The following LARP1B variants were observed in gnomAD, a reference collection of about 807,000 sequenced individuals.
LARP1B encodes la-related protein 1B.
Under a neutral mutation model 114.2 loss-of-function variants are expected in LARP1B, and 76 were observed. The observed-to-expected ratio is 0.67, with a 90% CI of 0.55 to 0.81. The LOEUF (loss-of-function observed/expected upper bound fraction) is 0.81. LARP1B is among the 30% of genes least tolerant of loss of function. LARP1B has a pLI of 0.00. For synonymous variants in LARP1B, 345 were observed against 348.0 expected, an observed-to-expected ratio of 0.99 and a Z score of 0.10; for missense variants, 1,014 against 1,075.8, an observed-to-expected ratio of 0.94 and a Z score of 0.80.
At chr4:128,080,428 G>A (rs1002131144) in intron 4 of LARP1B, among the ~76,000 whole-genome samples, 2 of 151,996 alleles carry the variant, frequency 1.3e-5, no homozygotes, top group African/African-American at 2.4e-5. Flanking sequence ...TTTGTGTCAA[G>A]GAATCTCGTT....
In LARP1B at chr4:128,063,427, CAAAAAAAAAAAAA is replaced by C. The variant is rs763868048; in HGVS notation, c.-78+2044_-78+2056del. On this transcript the variant is annotated intron_variant, in intron 1 of 19. Transcript: ENST00000326639. ...TGGTCGGCAGAGTGAGACCCACTCT[CAAAAAAAAAAAAA>C]AAAAAAAAAAAAAAAAAGTTAAAAT... Among the ~76,000 whole-genome samples the C allele has an allele frequency of 1.1e-3, 14 of 13,218 alleles. 1 individual carries two copies. The South Asian group carries it at 0.016, about 15-fold the overall frequency. 8.7% of individuals were successfully genotyped at this position (13,218 alleles called of 152,430 possible).
At chr4:128,082,777 C>G (rs1771016969) in intron 5 of LARP1B, among the ~76,000 whole-genome samples, 1 of 147,290 alleles carries the variant, frequency 6.8e-6, no homozygotes, top group African/African-American at 2.5e-5. Flanking sequence ...GGCAGGAGTA[C>G]TGTATAAGAA....
At chr4:128,133,648 C>G (rs1792258890) in intron 11 of LARP1B, among the ~76,000 whole-genome samples, 1 of 152,194 alleles carries the variant, frequency 6.6e-6, no homozygotes, top group Admixed American at 6.5e-5. Flanking sequence ...ACATACGGAC[C>G]AATTGAATAG....
intron 8 of LARP1B, among the ~76,000 whole-genome samples, 196 bp downstream of exon 8, chr4:128,098,526 C>A (rs140449989): frequency 2.0e-5 from 3 of 151,276 alleles, no homozygotes; most frequent in Non-Finnish European, 4.4e-5. Flanking sequence ...GTATTGCTAA[C>A]GATGTTACTG....
chr4:128,188,749 T>G (rs1751205016), intron 15 of LARP1B, among the ~76,000 whole-genome samples: 1 of 152,242 alleles, frequency 6.6e-6, no homozygotes, highest in South Asian at 2.1e-4. Context: ...AATTTCTTTA[T>G]TAATCTGTTG....
intron 11 of LARP1B, among the ~76,000 whole-genome samples, chr4:128,126,466 A>C (rs1358072337): frequency 6.6e-6 from 1 of 152,208 alleles, no homozygotes; most frequent in South Asian, 2.1e-4. Flanking sequence ...CAAAATATGC[A>C]GTAGCTAGGC....
intron 17 of LARP1B, among the ~76,000 whole-genome samples, chr4:128,206,113 A>G (rs1757520641): frequency 6.6e-6 from 1 of 152,142 alleles, no homozygotes; most frequent in African/African-American, 2.4e-5. Flanking sequence ...CAACATGGTG[A>G]AACCCCGTCT....
At chr4:128,126,806 GT>G in intron 11 of LARP1B, among the ~76,000 whole-genome samples, 1 of 126,800 alleles carries the variant, frequency 7.9e-6, no homozygotes, top group Admixed American at 8.3e-5. Context: ...CTTTTTATTT[GT>G]TTTTGTTTTT....
intron 11 of LARP1B, among the ~76,000 whole-genome samples, chr4:128,127,082 T>C (rs116331682): frequency 6.6e-6 from 1 of 152,318 alleles, no homozygotes; most frequent in African/African-American, 2.4e-5. Context: ...ATTGGAATGA[T>C]AGCTTTAATT....
chr4:128,090,392 T>C lies in LARP1B; in HGVS notation c.359-609T>C, dbSNP rs141064313. The stretch of plus-strand genomic sequence containing the variant: ...CCGGCCTTGTATGATTATTGACCCA[T>C]TGGTAGGCACCGTTTTCTGTATTTA... On this transcript the variant is annotated intron_variant, in intron 5 of 19. Coordinates refer to ENST00000326639, the MANE Select transcript of LARP1B (RefSeq NM_018078.4). Among the ~76,000 whole-genome samples the C allele has an allele frequency of 5.9e-5, 9 of 152,322 alleles. No individual in the cohort carries two copies. The East Asian group carries it at 1.5e-3, about 26-fold the overall frequency.
chr4:128,126,534 C>T (rs754960100), intron 11 of LARP1B, among the ~76,000 whole-genome samples: 3 of 151,930 alleles, frequency 2.0e-5, no homozygotes, highest in East Asian at 1.9e-4. Context: ...TAAAGAATAA[C>T]GATAGAACTG....
chr4:128,150,387 G>A (rs1038497758), intron 11 of LARP1B, among the ~76,000 whole-genome samples: 1 of 151,516 alleles, frequency 6.6e-6, no homozygotes, highest in African/African-American at 2.4e-5. Flanking sequence ...CAAACTCCTG[G>A]GCTCAAGGGA....
intron 1 of LARP1B, among the ~76,000 whole-genome samples, chr4:128,064,127 C>T (rs1417701920): frequency 2.0e-5 from 3 of 151,756 alleles, no homozygotes; most frequent in Admixed American, 2.0e-4. Context: ...CAAAAATTAG[C>T]CGGATATGGT....
chr4:128,212,912 CTTTTTTT>C (rs1174891101), downstream of LARP1B, among the ~76,000 whole-genome samples: 19 of 83,764 alleles, frequency 2.3e-4, 1 homozygote, highest in African/African-American at 7.6e-4. Context: ...AAATCTCTCT[CTTTTTTT>C]TTTTTTTTTT....
chr4:128,081,513 G>T (rs1198943188), intron 4 of LARP1B, among the ~76,000 whole-genome samples: 1 of 151,158 alleles, frequency 6.6e-6, no homozygotes, highest in Admixed American at 6.6e-5. Context: ...TCTACGAAAT[G>T]ACAGATTGGT....
chr4:128,180,889 A>G (rs1321552550), intron 15 of LARP1B, among the ~76,000 whole-genome samples: 2 of 152,180 alleles, frequency 1.3e-5, no homozygotes, highest in Non-Finnish European at 2.9e-5. Flanking sequence ...GTTTCTTTTT[A>G]ACCTTGGTAA....
chr4:128,213,541 T>C (rs1759261283), downstream of LARP1B, among the ~76,000 whole-genome samples: 1 of 152,148 alleles, frequency 6.6e-6, no homozygotes, highest in Non-Finnish European at 1.5e-5. Flanking sequence ...AAATTCTGAA[T>C]GTAAAGCTCA....
At chr4:128,075,117 T>G in intron 3 of LARP1B, 124 bp downstream of exon 3, 1 of 693,340 alleles carries the variant, frequency 1.4e-6, no homozygotes, top group South Asian at 1.8e-5. Context: ...TTTTTTATTT[T>G]TTTGAGACAG....
rs138791106 is a variant in LARP1B at position 128,130,859 on chromosome 4, G to A, written c.1524+8671G>A. ...TTACTCAGAGCTCAAAAATGCATGA[G>A]CTATCAAGCTGTGAAAAGACATGGA... On this transcript the variant is annotated intron_variant, in intron 11 of 19. Transcript: ENST00000326639. Among the ~76,000 whole-genome samples, 444 of 152,296 alleles carry A rather than the reference G, an allele frequency of 2.9e-3. 3 individuals carry two copies. The highest frequency in any genetic ancestry group is 0.01 in the African/African-American group (416 of 41,558).
Sources: allele counts gnomAD v4.1 joint callset (sites outside exome capture counted in the v4.1 genomes callset), GRCh38; gene constraint gnomAD v4.1.1; transcripts MANE v1.5; gene names NCBI Gene and HGNC (gene_info 2026-07-23, HGNC 2026-07-21).